SMG6: variants seen among roughly 807,000 people sequenced by gnomAD.
The protein encoded by SMG6 is telomerase-binding protein EST1A.
SMG6 carries 66 observed loss-of-function variants against 142.2 expected under a neutral mutation model. The observed-to-expected ratio is 0.46, with a 90% CI of 0.38 to 0.57. The LOEUF is 0.57. SMG6 is among the 20% of genes least tolerant of loss of function. SMG6 has a pLI of 0.00. For synonymous variants in SMG6, 779 were observed against 702.4 expected, an observed-to-expected ratio of 1.11 and a Z score of -1.72; for missense variants, 1,793 against 1,832.0, an observed-to-expected ratio of 0.98 and a Z score of 0.39.
At chr17:2,249,052 AAT>A in intron 8 of SMG6, among the ~76,000 whole-genome samples, 1 of 150,090 alleles carries the variant, frequency 6.7e-6, no homozygotes, top group Non-Finnish European at 1.5e-5. Context: ...ACGCCCCGTT[AAT>A]TTTTTTTTTT....
intron 9 of SMG6, among the ~76,000 whole-genome samples, chr17:2,243,766 T>C (rs1489690588): frequency 6.6e-6 from 1 of 152,188 alleles, no homozygotes; most frequent in Non-Finnish European, 1.5e-5. Flanking sequence ...ACTGGGGTAT[T>C]CATAATTCAA....
intron 8 of SMG6, among the ~76,000 whole-genome samples, chr17:2,259,428 G>T (rs913042383): frequency 2.6e-5 from 4 of 152,076 alleles, no homozygotes; most frequent in African/African-American, 9.7e-5. Context: ...TTCAAGGACG[G>T]GCACAGTAGC....
chr17:2,118,598 C>CTT (rs35884470), intron 13 of SMG6, among the ~76,000 whole-genome samples: 38 of 135,956 alleles, frequency 2.8e-4, no homozygotes, highest in South Asian at 7.1e-4. Flanking sequence ...ATCTAGATAG[C>CTT]TTTTTTTTTT....
chr17:2,122,803 ATG>A (rs1752307233), intron 13 of SMG6, among the ~76,000 whole-genome samples: 1 of 152,172 alleles, frequency 6.6e-6, no homozygotes, highest in African/African-American at 2.4e-5. Context: ...TAAACAATAA[ATG>A]TTTATCTGGG....
chr17:2,289,886 G>A (rs576726958), intron 6 of SMG6, among the ~76,000 whole-genome samples: 6 of 150,270 alleles, frequency 4.0e-5, no homozygotes, highest in Admixed American at 6.6e-5. Context: ...GCTGCACTCC[G>A]GCCTGCGCAA....
At chr17:2,136,179 A>T (rs2070297095) in intron 13 of SMG6, among the ~76,000 whole-genome samples, 1 of 151,852 alleles carries the variant, frequency 6.6e-6, no homozygotes, top group Non-Finnish European at 1.5e-5. Flanking sequence ...TTCACGTCTC[A>T]GTTTCCTGAG....
At chr17:2,283,554 G>A (rs748768653) in intron 7 of SMG6, 71 bp downstream of exon 7, 12 of 1,236,910 alleles carry the variant, frequency 9.7e-6, no homozygotes, top group South Asian at 2.4e-5. Context: ...GGTGCGCAGA[G>A]CTAGGGCACA....
intron 10 of SMG6, among the ~76,000 whole-genome samples, chr17:2,200,983 C>G (rs1170495388): frequency 6.6e-6 from 1 of 152,146 alleles, no homozygotes; most frequent in Non-Finnish European, 1.5e-5. Flanking sequence ...TAAATAGCCC[C>G]TTTGCCAATG....
At chr17:2,208,190 G>A (rs1037905863) in intron 10 of SMG6, among the ~76,000 whole-genome samples, 1 of 152,138 alleles carries the variant, frequency 6.6e-6, no homozygotes, top group Non-Finnish European at 1.5e-5. Flanking sequence ...CCACAGTCAA[G>A]AGACAAAATA....
At chr17:2,145,401 G>A (rs2070634179) in intron 13 of SMG6, among the ~76,000 whole-genome samples, 1 of 151,790 alleles carries the variant, frequency 6.6e-6, no homozygotes, top group African/African-American at 2.4e-5. Flanking sequence ...ACAGGCGTGA[G>A]CCACTGTGCC....
intron 17 of SMG6, 134 bp from the exon 18 acceptor site, chr17:2,065,288 G>T: frequency 1.0e-6 from 1 of 989,976 alleles, no homozygotes. Flanking sequence ...CGCTGGCCCT[G>T]CCTGGCCTGA....
At chr17:2,154,635 C>G (rs188744246) in intron 13 of SMG6, among the ~76,000 whole-genome samples, 92 of 152,250 alleles carry the variant, frequency 6.0e-4, no homozygotes, top group African/African-American at 2.0e-3. Flanking sequence ...AAGCTGAAAT[C>G]AGAGGCCTAG....
chr17:2,067,143 C>G (rs750435776), intron 16 of SMG6, among the ~76,000 whole-genome samples: 4 of 152,326 alleles, frequency 2.6e-5, no homozygotes, highest in Non-Finnish European at 4.4e-5. Context: ...CAGTTCCCAG[C>G]ACCCTTAGGC....
chr17:2,268,240 T>C (rs1379433655), intron 8 of SMG6, among the ~76,000 whole-genome samples: 1 of 152,146 alleles, frequency 6.6e-6, no homozygotes, highest in Non-Finnish European at 1.5e-5. Context: ...GGGTACTGGC[T>C]CTCAAACTAT....
chr17:2,060,391 C>T lies in SMG6; in HGVS notation c.*1101G>A, dbSNP rs1294739254. 6.6e-6 allele frequency: 1 copy of T among 152,294 alleles called. No individual in the cohort carries two copies. The highest frequency in any genetic ancestry group is 1.5e-5 in the Non-Finnish European group (1 of 68,102). 9.4% of individuals were successfully genotyped at this position (152,294 alleles called of 1,614,324 possible). A position where few individuals can be genotyped will look rare whatever the true frequency, so the allele number is the denominator to read the frequency against. Reference sequence around the variant, plus strand: ...ACCAGGTTAGGCGACGGTGCCCCAGCACTGGAATGCCTCAGGCTGGGCTGT... The same window carrying T: ...ACCAGGTTAGGCGACGGTGCCCCAGTACTGGAATGCCTCAGGCTGGGCTGT... On this transcript the variant is annotated 3_prime_UTR_variant, in exon 19 of 19. Transcript: ENST00000263073.
chr17:2,065,619 T>G lies in SMG6; in HGVS notation c.3896A>C (p.Tyr1299Ser). 2 of 1,614,014 alleles carry G rather than the reference T, an allele frequency of 1.2e-6. No individual in the cohort carries two copies. The highest frequency in any genetic ancestry group is 1.7e-6 in the Non-Finnish European group (2 of 1,180,040). ...GGCCTTCTCTTGTACCACACGGGCG[T>G]AGCCCCCAGCCCGGTGGTCTGTCTC... Reference protein sequence around the residue: ...GQETDHRAGGYARVVQEKARK... With the variant: ...GQETDHRAGGSARVVQEKARK... Residue 1299 changes from tyrosine (Y) to serine (S), a missense_variant, in exon 17 of 19, where the codon TAC (tyrosine) becomes TCC (serine). This residue lies in a region of SMG6 where 179 missense variants were observed against 212.6 expected (regional missense o/e 0.84). Transcript: ENST00000263073.
intron 13 of SMG6, among the ~76,000 whole-genome samples, chr17:2,106,917 G>A (rs1251479767): frequency 6.6e-6 from 1 of 151,370 alleles, no homozygotes; most frequent in Non-Finnish European, 1.5e-5. Flanking sequence ...TCCGCCTCCC[G>A]GGTTCTAGCA....
At chr17:2,293,721 G>A (rs1009584173) in intron 4 of SMG6, among the ~76,000 whole-genome samples, 3 of 152,216 alleles carry the variant, frequency 2.0e-5, no homozygotes, top group Admixed American at 6.5e-5. Flanking sequence ...CCATGTGCCT[G>A]CCTCAGCATC....
intron 8 of SMG6, among the ~76,000 whole-genome samples, chr17:2,254,079 GAGAA>G (rs1206732166): frequency 6.6e-6 from 1 of 152,184 alleles, no homozygotes; most frequent in Non-Finnish European, 1.5e-5. Flanking sequence ...CACAGAAAAA[GAGAA>G]AGAAAGTTCA....
Sources: allele counts gnomAD v4.1 joint callset (sites outside exome capture counted in the v4.1 genomes callset), GRCh38; gene constraint gnomAD v4.1.1; regional missense constraint gnomAD v4.1.1; transcripts MANE v1.5; gene names NCBI Gene and HGNC (gene_info 2026-07-23, HGNC 2026-07-21).